PCSK5: variants seen among roughly 807,000 people sequenced by gnomAD.
PCSK5 encodes proprotein convertase subtilisin/kexin type 5.
A neutral mutation model predicts 233.2 loss-of-function variants in PCSK5; 129 were observed. The ratio of observed to expected loss-of-function variants is 0.55; its 90% confidence interval spans 0.48 to 0.64. PCSK5 has a LOEUF of 0.64. Among genes scored for constraint, PCSK5 ranks in the 30% least tolerant of loss-of-function variants. PCSK5 has a pLI of 0.00. For synonymous variants in PCSK5, 825 were observed against 879.2 expected, an observed-to-expected ratio of 0.94 and a Z score of 1.09; for missense variants, 2,076 against 2,430.1, an observed-to-expected ratio of 0.85 and a Z score of 3.06.
At chr9:76,125,921 G>A (rs527357896) in intron 9 of PCSK5, among the ~76,000 whole-genome samples, 1 of 150,934 alleles carries the variant, frequency 6.6e-6, no homozygotes, top group African/African-American at 2.4e-5. Context: ...CTTTATAGCA[G>A]GAAAGCAAAG....
At chr9:76,171,074 A>C (rs531579829) in intron 13 of PCSK5, among the ~76,000 whole-genome samples, 6 of 152,346 alleles carry the variant, frequency 3.9e-5, no homozygotes, top group African/African-American at 1.4e-4. Context: ...TGCAGCCTGA[A>C]TATAGTGGTA....
chr9:76,005,217 T>C (rs1390584950), intron 3 of PCSK5, among the ~76,000 whole-genome samples: 1 of 152,214 alleles, frequency 6.6e-6, no homozygotes, highest in East Asian at 1.9e-4. Context: ...CCTTAGAGTA[T>C]ATTCCCTGAG....
intron 5 of PCSK5, among the ~76,000 whole-genome samples, chr9:76,041,010 C>T (rs1352584321): frequency 3.9e-5 from 6 of 152,116 alleles, no homozygotes; most frequent in South Asian, 2.1e-4. Context: ...TTTCCAAAAG[C>T]ATTTCATGGA....
chr9:76,004,547 G>A (rs900313069), intron 3 of PCSK5, among the ~76,000 whole-genome samples: 2 of 152,126 alleles, frequency 1.3e-5, no homozygotes, highest in African/African-American at 4.8e-5. Flanking sequence ...AGCATTTATT[G>A]ATGACTTCTA....
At position 76,143,498 on chromosome 9, in the gene PCSK5, C is replaced by T. The variant is rs144543088; in HGVS notation, c.1312+9286C>T. Among the ~76,000 whole-genome samples the T allele has an allele frequency of 2.0e-3, 303 of 152,160 alleles. 2 individuals carry two copies. The highest frequency in any genetic ancestry group is 6.8e-3 in the African/African-American group (281 of 41,518). On this transcript the variant is annotated intron_variant, in intron 10 of 37. Coordinates refer to ENST00000674117, the MANE Select transcript of PCSK5 (RefSeq NM_001372043.1). ...AATATTATTTCTTACACTGATGGTG[C>T]GAATCCATTGTTCCTATGATATGTC...
chr9:76,145,824 TTA>T (rs974622831), intron 10 of PCSK5, among the ~76,000 whole-genome samples: 1 of 152,206 alleles, frequency 6.6e-6, no homozygotes, highest in African/African-American at 2.4e-5. Context: ...TCCTATTTTG[TTA>T]TCTAGAGAGA....
intron 24 of PCSK5, among the ~76,000 whole-genome samples, chr9:76,284,130 AAAG>A (rs918271540): frequency 1.7e-4 from 26 of 152,190 alleles, no homozygotes; most frequent in Admixed American, 7.9e-4. Flanking sequence ...GAAAAAAAAA[AAAG>A]AACTTATGTT....
intron 1 of PCSK5, among the ~76,000 whole-genome samples, chr9:75,911,630 T>C (rs1458596766): frequency 6.6e-6 from 1 of 152,120 alleles, no homozygotes; most frequent in East Asian, 1.9e-4. Flanking sequence ...AGTTGACTGG[T>C]AGGTTCTTGA....
chr9:76,276,914 T>G (rs758225084), intron 24 of PCSK5, among the ~76,000 whole-genome samples: 5 of 152,116 alleles, frequency 3.3e-5, no homozygotes, highest in Non-Finnish European at 7.4e-5. Flanking sequence ...GAACAAAAAT[T>G]TATGCTTTGT....
chr9:76,295,620 C>A (rs895738048), intron 26 of PCSK5, among the ~76,000 whole-genome samples: 2 of 152,178 alleles, frequency 1.3e-5, no homozygotes, highest in Non-Finnish European at 2.9e-5. Flanking sequence ...TCCTGTTCCA[C>A]TAATTAATCT....
intron 10 of PCSK5, among the ~76,000 whole-genome samples, chr9:76,140,671 C>T (rs1823177436): frequency 6.6e-6 from 1 of 151,932 alleles, no homozygotes; most frequent in Non-Finnish European, 1.5e-5. Flanking sequence ...AATCGTGTAT[C>T]AATGATAATG....
intron 2 of PCSK5, among the ~76,000 whole-genome samples, chr9:75,949,238 T>C (rs1346032495): frequency 6.6e-6 from 1 of 151,842 alleles, no homozygotes; most frequent in Admixed American, 6.6e-5. Flanking sequence ...AATTTATACC[T>C]AAACAATTTT....
At chr9:76,057,132 C>T (rs1829850146) in intron 5 of PCSK5, among the ~76,000 whole-genome samples, 1 of 152,156 alleles carries the variant, frequency 6.6e-6, no homozygotes, top group Non-Finnish European at 1.5e-5. Context: ...TCTAGATGCT[C>T]ATACTCTGTG....
chr9:76,213,515 G>T (rs1297090234), intron 20 of PCSK5, among the ~76,000 whole-genome samples: 1 of 151,976 alleles, frequency 6.6e-6, no homozygotes, highest in Non-Finnish European at 1.5e-5. Context: ...TCACCATTTT[G>T]GTTGTAGTGG....
intron 2 of PCSK5, among the ~76,000 whole-genome samples, chr9:75,981,373 C>T (rs1826271046): frequency 6.6e-6 from 1 of 152,182 alleles, no homozygotes; most frequent in African/African-American, 2.4e-5. Flanking sequence ...ACATAGGTGA[C>T]TGGTAGCTAA....
chr9:76,150,239 T>C (rs1475661638), intron 10 of PCSK5, among the ~76,000 whole-genome samples: 1 of 152,176 alleles, frequency 6.6e-6, no homozygotes, highest in African/African-American at 2.4e-5. Context: ...AAACTTTCCA[T>C]GTGCAAGTTC....
At chr9:76,190,214 T>A (rs1181164685) in intron 20 of PCSK5, among the ~76,000 whole-genome samples, 1 of 152,178 alleles carries the variant, frequency 6.6e-6, no homozygotes, top group Non-Finnish European at 1.5e-5. Flanking sequence ...TTATATATTC[T>A]GTGGGTTTGG....
intron 24 of PCSK5, among the ~76,000 whole-genome samples, chr9:76,253,541 T>C (rs770189694): frequency 6.6e-6 from 1 of 152,242 alleles, no homozygotes; most frequent in Non-Finnish European, 1.5e-5. Context: ...TCATTGTCCC[T>C]TACTCATCCT....
At chr9:75,935,945 A>G (rs1005885593) in intron 2 of PCSK5, among the ~76,000 whole-genome samples, 2 of 152,170 alleles carry the variant, frequency 1.3e-5, no homozygotes, top group African/African-American at 4.8e-5. Flanking sequence ...AATTACTACA[A>G]GCACACCTCA....
Sources: allele counts gnomAD v4.1 joint callset (sites outside exome capture counted in the v4.1 genomes callset), GRCh38; gene constraint gnomAD v4.1.1; transcripts MANE v1.5; gene names NCBI Gene and HGNC (gene_info 2026-07-23, HGNC 2026-07-21).